SPATC1: variants seen among roughly 807,000 people sequenced by gnomAD.
The protein encoded by SPATC1 is spermatogenesis and centriole associated 1, also known as speriolin.
SPATC1 carries 35 observed loss-of-function variants against 36.5 expected under a neutral mutation model. The observed-to-expected ratio is 0.96, with a 90% CI of 0.73 to 1.27. The LOEUF is 1.27. Ranked by LOEUF, SPATC1 falls within the 50% of genes most tolerant of loss-of-function variation. The pLI is 0.00. For synonymous variants in SPATC1, 361 were observed against 353.6 expected (o/e 1.02, Z -0.24); for missense variants, 779 against 796.0 (o/e 0.98, Z 0.26).
rs201174240 is a variant in SPATC1 at position 144,040,642 on chromosome 8, C to T, written c.841C>T (p.Leu281Phe). 4.3e-6 allele frequency: 7 copies of T among 1,613,432 alleles called. No homozygotes were observed. Among genetic ancestry groups the T allele is most frequent in the South Asian group, 1.1e-5 (1 of 91,046 alleles). ...PLSMAFAGAPLQTSTPIGAMG... is the reference protein window; with the variant it reads ...PLSMAFAGAPFQTSTPIGAMG... ...CAGCATGGCGTTTGCAGGAGCACCCCTCCAGACCTCCACCCCTATCGGAGC... is the reference window on the plus strand; with the variant it reads ...CAGCATGGCGTTTGCAGGAGCACCCTTCCAGACCTCCACCCCTATCGGAGC... The change falls in exon 3 of 5, where the codon CTC becomes TTC. Residue 281 changes from leucine (L) to phenylalanine (F), a missense_variant. Coordinates refer to ENST00000377470, the MANE Select transcript of SPATC1 (RefSeq NM_198572.3).
rs782072139 is a variant in SPATC1, at chr8:144,040,931, C to T, written c.1130C>T (p.Pro377Leu). 1.0e-5 allele frequency: 16 copies of T among 1,597,954 alleles called. No individual in the cohort carries two copies. In the Admixed American group the frequency reaches 2.2e-4, roughly 22 times the overall value. The change falls in exon 3 of 5, where the codon CCT becomes CTT. Residue 377 changes from proline to leucine, a missense_variant. By Grantham distance (98) the Pro-to-Leu change is moderately conservative. Coordinates refer to ENST00000377470, the MANE Select transcript of SPATC1 (RefSeq NM_198572.3). Reference sequence around the variant, plus strand: ...CATAATTCCCCAACCCAGAACCTGCCTGTCCCCCACTGTCCTCCACACAAC... The same window carrying T: ...CATAATTCCCCAACCCAGAACCTGCTTGTCCCCCACTGTCCTCCACACAAC... Reference protein sequence around the residue: ...RMHNSPTQNLPVPHCPPHNAH... With the variant: ...RMHNSPTQNLLVPHCPPHNAH...
chr8:144,041,163 C>T, intron 3 of SPATC1, 56 bp downstream of exon 3: 2 of 1,595,090 alleles, frequency 1.3e-6, no homozygotes, highest in Non-Finnish European at 1.7e-6. Context: ...CTCCCTGCCG[C>T]CTGCCTGGGC....
In SPATC1 at chr8:144,046,964, G is replaced by C. The variant is rs781885609; in HGVS notation, c.*8G>C. ...CCCATGTTCATCTGGTGACGCTGGA[G>C]CTGGGAGGTCCAGGCTCGCTCAGCC... On this transcript the variant is annotated 3_prime_UTR_variant, in exon 5 of 5. Coordinates refer to ENST00000377470, the MANE Select transcript of SPATC1 (RefSeq NM_198572.3). This position sits in a 1 kb window ranked among gnomAD's most constrained non-coding sequence, Gnocchi z 6.6. 1 of 1,592,740 alleles carries C rather than the reference G, an allele frequency of 6.3e-7. No homozygotes were observed. The highest frequency in any genetic ancestry group is 8.5e-7 in the Non-Finnish European group (1 of 1,176,230).
chr8:144,041,022 C>A lies in SPATC1; in HGVS notation c.1221C>A (p.Thr407=). The change falls in exon 3 of 5, where the codon ACC becomes ACA. Residue 407 remains threonine, a synonymous_variant. Transcript: ENST00000377470. ...TCAATGACTCTCGAGGTCCACGCAC[C>A]ACAGAACCGTCGACGAAGAGCATGA... ...ASVNDSRGPR[T]TEPSTKSMME... 6.2e-7 allele frequency: 1 copy of A among 1,612,216 alleles called. No individual in the cohort carries two copies. The highest frequency in any genetic ancestry group is 8.5e-7 in the Non-Finnish European group (1 of 1,179,752).
At chr8:144,023,302 A>AG (rs1369370583) in intron 1 of SPATC1, among the ~76,000 whole-genome samples, 17 of 676 alleles carry the variant, frequency 0.025, 8 homozygotes, top group African/African-American at 0.022. Flanking sequence ...CTCTCTCCTG[A>AG]GACCCTCCCC....
chr8:144,042,307 ATATATTTTTTTTTTTTT>A (rs1835132034), intron 4 of SPATC1, among the ~76,000 whole-genome samples: 1 of 49,460 alleles, frequency 2.0e-5, no homozygotes, highest in Non-Finnish European at 3.2e-5. Flanking sequence ...ATATATATAT[ATATATTTTTTTTTTTTT>A]TTTTTTTTTT....
Position 144,046,937 on chromosome 8 carries a change from A to G in SPATC1, c.1757A>G (p.Lys586Arg), listed in dbSNP as rs1835286092. 1 of 1,597,574 alleles carries G rather than the reference A, an allele frequency of 6.3e-7. No homozygotes were observed. Among genetic ancestry groups the G allele is most frequent in the Non-Finnish European group, 8.5e-7 (1 of 1,179,224 alleles). Residue 586 changes from lysine (K) to arginine (R), a missense_variant, in exon 5 of 5, where the codon AAG becomes AGG. Coordinates refer to ENST00000377470, the MANE Select transcript of SPATC1 (RefSeq NM_198572.3). The surrounding 1 kb of genome is among the most constrained non-coding windows in gnomAD (Gnocchi z 6.6). ...CLSQLAHDDG[K>R]PMFIW ...AGCCAGCTGGCGCACGATGACGGCA[A>G]GCCCATGTTCATCTGGTGACGCTGG...
In SPATC1 at chr8:144,046,513, C is replaced by A; in HGVS notation, c.1447-114C>A. The A allele has an allele frequency of 1.0e-6, 1 of 988,962 alleles. No homozygotes were observed. Among genetic ancestry groups the A allele is most frequent in the Non-Finnish European group, 1.5e-6 (1 of 671,520 alleles). The allele number at this position is 988,962 out of a possible 1,614,324, so 61.3% of individuals were successfully genotyped here. A position where few individuals can be genotyped will look rare whatever the true frequency, so the allele number is the denominator to read the frequency against. On this transcript the variant is annotated intron_variant, in intron 4 of 4. Coordinates refer to ENST00000377470, the MANE Select transcript of SPATC1 (RefSeq NM_198572.3). The surrounding 1 kb of genome is among the most constrained non-coding windows in gnomAD (Gnocchi z 6.6). The stretch of plus-strand genomic sequence containing the variant: ...TCTGTCGCAGAACCTCCCCACCGCA[C>A]ACCCCTCGGATCCTGGCCATCTCAC...
rs1291281446 is a variant in SPATC1, at chr8:144,012,791, C to T, written c.211+65C>T. The T allele has an allele frequency of 6.6e-6, 10 of 1,518,518 alleles. No homozygotes were observed. The East Asian group carries it at 7.4e-5, about 11-fold the overall frequency. The allele number at this position is 1,518,518 out of a possible 1,614,324, so 94.1% of individuals were successfully genotyped here. A position where few individuals can be genotyped will look rare whatever the true frequency, so the allele number is the denominator to read the frequency against. ...GGGACTGCACCAGAGAGGAGAGACTCAGTGTGCTGAGGTCTCAGGAGGTCA... is the reference window on the plus strand; with the variant it reads ...GGGACTGCACCAGAGAGGAGAGACTTAGTGTGCTGAGGTCTCAGGAGGTCA... On this transcript the variant is annotated intron_variant, in intron 1 of 4. Transcript: ENST00000377470.
chr8:144,047,100 C>A lies in SPATC1; in HGVS notation c.*144C>A, dbSNP rs1564284604. 5 of 943,414 alleles carry A rather than the reference C, an allele frequency of 5.3e-6. No homozygotes were observed. The highest frequency in any genetic ancestry group is 6.2e-6 in the Non-Finnish European group (4 of 647,008). 58.4% of individuals were successfully genotyped at this position (943,414 alleles called of 1,614,324 possible). A position where few individuals can be genotyped will look rare whatever the true frequency, so the allele number is the denominator to read the frequency against. On this transcript the variant is annotated 3_prime_UTR_variant, in exon 5 of 5. Coordinates refer to ENST00000377470, the MANE Select transcript of SPATC1 (RefSeq NM_198572.3). This position sits in a 1 kb window ranked among gnomAD's most constrained non-coding sequence, Gnocchi z 4.1. ...TCTGGGGTGGCTCACCGGGCCCCGG[C>A]ACCGTGCCCCTTCAGCCCTGTCTGC...
chr8:144,046,534 C>G lies in SPATC1; in HGVS notation c.1447-93C>G. ...CGCACACCCCTCGGATCCTGGCCAT[C>G]TCACAGCCTCACCTGCCCCTCGGTC... On this transcript the variant is annotated intron_variant, in intron 4 of 4. Transcript: ENST00000377470. This position sits in a 1 kb window ranked among gnomAD's most constrained non-coding sequence, Gnocchi z 6.6. The G allele has an allele frequency of 1.6e-6, 2 of 1,225,002 alleles. No individual in the cohort carries two copies. The highest frequency in any genetic ancestry group is 2.4e-5 in the East Asian group (1 of 42,206). 75.9% of individuals were successfully genotyped at this position (1,225,002 alleles called of 1,614,324 possible).
rs1417878772 is a variant in SPATC1, at chr8:144,016,909, G to A, written c.211+4183G>A. On this transcript the variant is annotated intron_variant, in intron 1 of 4. Coordinates refer to ENST00000377470, the MANE Select transcript of SPATC1 (RefSeq NM_198572.3). The surrounding 1 kb of genome is among the most constrained non-coding windows in gnomAD (Gnocchi z 4.5). ...CCACCTTGGCCTCCCAAAGTGCTGGGAATACAGGCATGAGCCACCACACCC... is the reference window on the plus strand; with the variant it reads ...CCACCTTGGCCTCCCAAAGTGCTGGAAATACAGGCATGAGCCACCACACCC... 6.6e-6 allele frequency among the ~76,000 whole-genome samples: 1 copy of A among 152,182 alleles called. No homozygotes were observed. The highest frequency in any genetic ancestry group is 2.4e-5 in the African/African-American group (1 of 41,436).
At chr8:144,041,957 T>A in intron 4 of SPATC1, 1 of 985,346 alleles carries the variant, frequency 1.0e-6, no homozygotes, top group Non-Finnish European at 1.2e-6. Flanking sequence ...GTTTTGTGTG[T>A]GTGGGATTTT....
chr8:144,027,666 T>G (rs1834712423), intron 1 of SPATC1, among the ~76,000 whole-genome samples: 2 of 152,158 alleles, frequency 1.3e-5, no homozygotes, highest in South Asian at 4.1e-4. Flanking sequence ...GTAACATGGA[T>G]ATCCAGTTAT....
intron 1 of SPATC1, among the ~76,000 whole-genome samples, chr8:144,024,979 C>T (rs1215340917): frequency 6.7e-6 from 1 of 150,344 alleles, no homozygotes; most frequent in East Asian, 2.0e-4. Flanking sequence ...TCAGCAGCCT[C>T]CCCCCTCAGG....
chr8:144,046,336 C>T lies in SPATC1; in HGVS notation c.1447-291C>T, dbSNP rs916160710. 6.6e-6 allele frequency among the ~76,000 whole-genome samples: 1 copy of T among 152,108 alleles called. No homozygotes were observed. The highest frequency in any genetic ancestry group is 2.4e-5 in the African/African-American group (1 of 41,434). ...AGCCCAGTTGCACTCCCTGGTGGTG[C>T]GTGGAGCAGACGACAGGGTTGGGGC... On this transcript the variant is annotated intron_variant, in intron 4 of 4. Transcript: ENST00000377470. The surrounding 1 kb of genome is among the most constrained non-coding windows in gnomAD (Gnocchi z 6.6).
chr8:144,019,822 C>G (rs1834467656), intron 1 of SPATC1, among the ~76,000 whole-genome samples: 2 of 151,966 alleles, frequency 1.3e-5, no homozygotes, highest in African/African-American at 4.8e-5. Flanking sequence ...CCTCCTCATC[C>G]CAGCCCTCAC....
At position 144,040,960 on chromosome 8, in the gene SPATC1, C is replaced by A. The variant is rs782462723; in HGVS notation, c.1159C>A (p.His387Asn). The change falls in exon 3 of 5, where the codon CAC becomes AAC. Residue 387 changes from histidine (H) to asparagine (N), a missense_variant. By Grantham distance (68) the His-to-Asn change is moderately conservative. Coordinates refer to ENST00000377470, the MANE Select transcript of SPATC1 (RefSeq NM_198572.3). Reference protein sequence around the residue: ...PVPHCPPHNAHSPPRTSSSPA... With the variant: ...PVPHCPPHNANSPPRTSSSPA... ...CCCCCACTGTCCTCCACACAACGCCCACTCCCCACCTCGTACCTCATCCTC... is the reference window on the plus strand; with the variant it reads ...CCCCCACTGTCCTCCACACAACGCCAACTCCCCACCTCGTACCTCATCCTC... The A allele has an allele frequency of 1.2e-6, 2 of 1,611,340 alleles. No homozygotes were observed. The highest frequency in any genetic ancestry group is 1.7e-5 in the Admixed American group (1 of 59,804).
At chr8:144,018,131 C>T (rs1447820875) in intron 1 of SPATC1, among the ~76,000 whole-genome samples, 4 of 152,186 alleles carry the variant, frequency 2.6e-5, no homozygotes, top group Non-Finnish European at 5.9e-5. Flanking sequence ...ACTTCAAAAG[C>T]AGAATGTCAC....
Sources: gnomAD v4.1 joint callset for allele counts (sites outside exome capture counted in the v4.1 genomes callset) on GRCh38, gnomAD v4.1.1 for gene constraint, Gnocchi (gnomAD v3.1) non-coding constraint, MANE v1.5 for transcripts, NCBI Gene and HGNC (gene_info 2026-07-23, HGNC 2026-07-21) for gene names.